ADAM10: variants seen among roughly 807,000 people sequenced by gnomAD.
ADAM10 encodes disintegrin and metalloproteinase domain-containing protein 10.
In ADAM10, 17 loss-of-function variants were observed where a neutral mutation model predicts 90.1. The observed-to-expected ratio is 0.19, with a 90% confidence interval of 0.13 to 0.28. ADAM10 has a LOEUF of 0.28. ADAM10 is among the 10% of genes least tolerant of loss of function. The pLI is 1.00. For missense variants in ADAM10, 610 were observed against 914.3 expected (o/e 0.67, Z 4.29); for synonymous variants, 310 against 298.6 (o/e 1.04, Z -0.40).
chr15:58,696,409 G>C (rs1184799979), intron 2 of ADAM10, among the ~76,000 whole-genome samples: 1 of 151,354 alleles, frequency 6.6e-6, no homozygotes, highest in Non-Finnish European at 1.5e-5. Flanking sequence ...CAGAAGTTAA[G>C]AACACTTGAA....
At chr15:58,738,083 A>G (rs1417526535) in intron 1 of ADAM10, among the ~76,000 whole-genome samples, 1 of 152,246 alleles carries the variant, frequency 6.6e-6, no homozygotes, top group African/African-American at 2.4e-5. Flanking sequence ...TAAGCTAAGC[A>G]TGGCATATTT....
intron 2 of ADAM10, chr15:58,693,114 T>G: frequency 1.4e-6 from 1 of 740,676 alleles, no homozygotes; most frequent in South Asian, 1.3e-5. Flanking sequence ...AGGTATTGAT[T>G]ATGAGAGACA....
intron 1 of ADAM10, among the ~76,000 whole-genome samples, chr15:58,721,106 C>CG (rs1898838021): frequency 6.6e-6 from 1 of 152,208 alleles, no homozygotes; most frequent in Non-Finnish European, 1.5e-5. Flanking sequence ...TTCTGAAGCA[C>CG]TCATGACAAA....
At chr15:58,729,710 T>C (rs1899160344) in intron 1 of ADAM10, among the ~76,000 whole-genome samples, 1 of 152,164 alleles carries the variant, frequency 6.6e-6, no homozygotes, top group Non-Finnish European at 1.5e-5. Context: ...ACGCTTGTAA[T>C]CCCAGCACTT....
At chr15:58,746,098 T>A (rs186417138) in intron 1 of ADAM10, among the ~76,000 whole-genome samples, 2 of 152,266 alleles carry the variant, frequency 1.3e-5, no homozygotes, top group South Asian at 2.1e-4. Context: ...CTTATTAGGG[T>A]TTAAGGTCAA....
At chr15:58,642,418 T>C (rs1896439351) in intron 7 of ADAM10, among the ~76,000 whole-genome samples, 4 of 151,992 alleles carry the variant, frequency 2.6e-5, no homozygotes, top group African/African-American at 7.3e-5. Flanking sequence ...TGAGCCGAGA[T>C]TGCGCCACTG....
chr15:58,721,375 T>C (rs1295510841), intron 1 of ADAM10, among the ~76,000 whole-genome samples: 1 of 152,192 alleles, frequency 6.6e-6, no homozygotes, highest in Non-Finnish European at 1.5e-5. Context: ...ATAAGACCTA[T>C]GAATGTTTAT....
intron 2 of ADAM10, among the ~76,000 whole-genome samples, chr15:58,698,966 C>T (rs1393004237): frequency 6.6e-6 from 1 of 152,112 alleles, no homozygotes; most frequent in Non-Finnish European, 1.5e-5. Flanking sequence ...ATAGATACAA[C>T]TCGAAAAGGT....
At chr15:58,690,601 C>T (rs1294127455) in intron 2 of ADAM10, among the ~76,000 whole-genome samples, 1 of 152,120 alleles carries the variant, frequency 6.6e-6, no homozygotes, top group African/African-American at 2.4e-5. Flanking sequence ...TTGTTTCCTG[C>T]CTTAGACACA....
At position 58,621,488 on chromosome 15, in the gene ADAM10, T is replaced by A; in HGVS notation, c.1494A>T (p.Lys498Asn). 6.2e-7 allele frequency: 1 copy of A among 1,614,044 alleles called. No individual in the cohort carries two copies. The highest frequency in any genetic ancestry group is 8.5e-7 in the Non-Finnish European group (1 of 1,180,006). Residue 498 changes from lysine (K) to asparagine (N), a missense_variant, in exon 11 of 16, where the codon AAA (lysine) becomes AAT (asparagine). This residue lies in a region of ADAM10 where 53 missense variants were observed against 62.0 expected (regional missense o/e 0.85). Coordinates refer to ENST00000260408, the MANE Select transcript of ADAM10 (RefSeq NM_001110.4). ...NQPEGRKCKL[K>N]PGKQCSPSQG... Reference sequence around the variant, plus strand: ...CAAGGTACCTGCACTGTTTCCCAGGTTTCAGTTTGCATTTTCTTCCCTCTG... The same window carrying A: ...CAAGGTACCTGCACTGTTTCCCAGGATTCAGTTTGCATTTTCTTCCCTCTG...
intron 2 of ADAM10, chr15:58,692,698 T>C (rs565138476): frequency 2.1e-5 from 12 of 564,958 alleles, no homozygotes; most frequent in Non-Finnish European, 3.5e-5. Flanking sequence ...ATGGTCAACA[T>C]GTAAAGTGAA....
intron 1 of ADAM10, 81 bp from the exon 2 acceptor site, chr15:58,717,808 T>C (rs1363309972): frequency 1.8e-5 from 27 of 1,533,574 alleles, no homozygotes; most frequent in East Asian, 1.2e-4. Context: ...CAAGTATCTA[T>C]GAATATGTAT....
At chr15:58,600,592 C>T (rs983553921) in intron 14 of ADAM10, among the ~76,000 whole-genome samples, 2 of 151,984 alleles carry the variant, frequency 1.3e-5, no homozygotes, top group African/African-American at 2.4e-5. Context: ...AAGTTCATCC[C>T]GTCTTAGAAG....
In ADAM10 at chr15:58,597,433, T is replaced by G. The variant is rs760437613; in HGVS notation, c.*114A>C. ...GAGGATATGATCTCTTGCCATTTTTTCTTCAACTGTTACTTGTGAGGGTTT... is the reference window on the plus strand; with the variant it reads ...GAGGATATGATCTCTTGCCATTTTTGCTTCAACTGTTACTTGTGAGGGTTT... On this transcript the variant is annotated 3_prime_UTR_variant, in exon 16 of 16. Transcript: ENST00000260408. 3 of 1,574,140 alleles carry G rather than the reference T, an allele frequency of 1.9e-6. No homozygotes were observed. The highest frequency in any genetic ancestry group is 2.6e-6 in the Non-Finnish European group (3 of 1,158,152).
intron 5 of ADAM10, among the ~76,000 whole-genome samples, chr15:58,663,887 A>G (rs1320171953): frequency 6.6e-6 from 1 of 152,092 alleles, no homozygotes; most frequent in African/African-American, 2.4e-5. Flanking sequence ...CTACTTTTGT[A>G]TATTAATATT....
chr15:58,696,812 C>T (rs1897992589), intron 2 of ADAM10, among the ~76,000 whole-genome samples: 2 of 152,256 alleles, frequency 1.3e-5, no homozygotes, highest in South Asian at 2.1e-4. Context: ...ACAAAGGGAG[C>T]TGCCTGGGGA....
At chr15:58,712,015 A>G (rs1898489701) in intron 2 of ADAM10, among the ~76,000 whole-genome samples, 1 of 152,194 alleles carries the variant, frequency 6.6e-6, no homozygotes, top group Non-Finnish European at 1.5e-5. Context: ...ATACAACGTA[A>G]GAATCATACT....
intron 2 of ADAM10, among the ~76,000 whole-genome samples, chr15:58,695,539 T>C (rs1595628866): frequency 6.6e-6 from 1 of 152,312 alleles, no homozygotes; most frequent in East Asian, 1.9e-4. Flanking sequence ...TTAAAATTTA[T>C]TATTCAGCAA....
At chr15:58,646,638 G>T (rs554424847) in intron 5 of ADAM10, among the ~76,000 whole-genome samples, 1 of 152,154 alleles carries the variant, frequency 6.6e-6, no homozygotes, top group Non-Finnish European at 1.5e-5. Context: ...GAGTACTGCA[G>T]TAAGATCAGT....
Sources: allele counts gnomAD v4.1 joint callset (sites outside exome capture counted in the v4.1 genomes callset), GRCh38; gene constraint gnomAD v4.1.1; regional missense constraint gnomAD v4.1.1; transcripts MANE v1.5; gene names NCBI Gene and HGNC (gene_info 2026-07-23, HGNC 2026-07-21).